CORO6: variants seen among roughly 807,000 people sequenced by gnomAD.
CORO6 encodes the protein coronin-6.
CORO6 carries 43 observed loss-of-function variants against 49.0 expected under a neutral mutation model. The ratio of observed to expected loss-of-function variants is 0.88; its 90% CI spans 0.69 to 1.13. The LOEUF is 1.13. Ranked by LOEUF, CORO6 falls within the 50% of genes most tolerant of loss-of-function variation. The pLI is 0.00. For synonymous variants in CORO6, 233 were observed against 256.5 expected, an observed-to-expected ratio of 0.91 and a Z score of 0.88; for missense variants, 650 against 647.0, an observed-to-expected ratio of 1.00 and a Z score of -0.05.
Position 29,621,096 on chromosome 17 carries a change from G to C in CORO6, c.198+128C>G. 3 of 1,247,782 alleles carry C rather than the reference G, an allele frequency of 2.4e-6. No homozygotes were observed. Among genetic ancestry groups the C allele is most frequent in the Non-Finnish European group, 3.3e-6 (3 of 902,958 alleles). The allele number at this position is 1,247,782 out of a possible 1,614,324, so 77.3% of individuals were successfully genotyped here. A position where few individuals can be genotyped will look rare whatever the true frequency, so the allele number is the denominator to read the frequency against. ...CTGGTCCTTGAGGGCTTGGGGAATA[G>C]GGAGGAGCCAATCCACACAGATGCT... is the stretch of plus-strand genomic sequence containing the variant. On this transcript the variant is annotated intron_variant, in intron 2 of 10. Transcript: ENST00000388767. This position sits in a 1 kb window ranked among gnomAD's most constrained non-coding sequence, Gnocchi z 4.2.
In CORO6 at chr17:29,621,500, G is replaced by A. The variant is rs1598648057; in HGVS notation, c.-63-16C>T. 1.3e-6 allele frequency: 2 copies of A among 1,538,872 alleles called. No individual in the cohort carries two copies. Among genetic ancestry groups the A allele is most frequent in the East Asian group, 2.5e-5 (1 of 40,602 alleles). ...GTCCTGTGAGCTGCGGGAGGGAGGA[G>A]GAGTGGAGGGGTGGCTGATGAGAAG... is the stretch of plus-strand genomic sequence containing the variant. On this transcript the variant is annotated splice_polypyrimidine_tract_variant and intron_variant, in intron 1 of 10. Coordinates refer to ENST00000388767, the MANE Select transcript of CORO6 (RefSeq NM_032854.4). This position sits in a 1 kb window ranked among gnomAD's most constrained non-coding sequence, Gnocchi z 4.2.
In CORO6 at chr17:29,618,972, C is replaced by G; in HGVS notation, c.452-1G>C. ...CAGATGATGATCACATTGTCACCAC[C>G]TGCCCAGAGTGGCCAGGCATGGTCA... On this transcript the variant is annotated splice_acceptor_variant, in intron 4 of 10. Transcript: ENST00000388767. LOFTEE classifies it high-confidence loss of function. 1 of 1,613,630 alleles carries G rather than the reference C, an allele frequency of 6.2e-7. No individual in the cohort carries two copies. The highest frequency in any genetic ancestry group is 8.5e-7 in the Non-Finnish European group (1 of 1,179,908).
Position 29,616,482 on chromosome 17 carries a change from A to T in CORO6, c.1005-146T>A. 1 of 918,760 alleles carries T rather than the reference A, an allele frequency of 1.1e-6. No homozygotes were observed. The highest frequency in any genetic ancestry group is 1.6e-6 in the Non-Finnish European group (1 of 612,714). The allele number at this position is 918,760 out of a possible 1,614,324, so 56.9% of individuals were successfully genotyped here. Reference sequence around the variant, plus strand: ...CACACATTATTGGTTCTGCAATAAAACACCCTGATGGTGTGTTCACCATCA... The same window carrying T: ...CACACATTATTGGTTCTGCAATAAATCACCCTGATGGTGTGTTCACCATCA... On this transcript the variant is annotated intron_variant, in intron 8 of 10. Coordinates refer to ENST00000388767, the MANE Select transcript of CORO6 (RefSeq NM_032854.4). This position sits in a 1 kb window ranked among gnomAD's most constrained non-coding sequence, Gnocchi z 5.6.
chr17:29,615,225 TTGTG>T lies in CORO6; in HGVS notation c.*503_*506del, dbSNP rs2034793625. 6.6e-6 allele frequency: 1 copy of T among 152,154 alleles called. No individual in the cohort carries two copies. Among genetic ancestry groups the T allele is most frequent in the African/African-American group, 2.4e-5 (1 of 41,358 alleles). The allele number at this position is 152,154 out of a possible 1,614,324, so 9.4% of individuals were successfully genotyped here. ...TGGGTCCGGCTCTGCAGCAAACGGG[TTGTG>T]TATGTGTCTGCAGAACTGGGGTGAC... is the stretch of plus-strand genomic sequence containing the variant. On this transcript the variant is annotated 3_prime_UTR_variant, in exon 11 of 11. Coordinates refer to ENST00000388767, the MANE Select transcript of CORO6 (RefSeq NM_032854.4).
rs751234960 is a variant in CORO6 at position 29,615,763 on chromosome 17, A to G, written c.1388T>C (p.Met463Thr). The change falls in exon 11 of 11, where the codon ATG (methionine) becomes ACG (threonine). Residue 463 changes from methionine (M) to threonine (T), a missense_variant. Coordinates refer to ENST00000388767, the MANE Select transcript of CORO6 (RefSeq NM_032854.4). ...QEQRITALEN[M>T]LCELVDGTD ...CGTGCCGTCCACCAGCTCGCACAGC[A>G]TGTTCTCCAGAGCCGTGATGCGCTG... 60 of 1,551,444 alleles carry G rather than the reference A, an allele frequency of 3.9e-5. No homozygotes were observed. The East Asian group carries it at 1.4e-3, about 35-fold the overall frequency.
chr17:29,617,363 G>T, intron 6 of CORO6, 137 bp downstream of exon 6: 1 of 1,543,292 alleles, frequency 6.5e-7, no homozygotes, highest in Admixed American at 1.9e-5. Context: ...GTGGGTGTGA[G>T]AATGGCAGGC....
rs1733183565 is a variant in CORO6, at chr17:29,615,663, C to T, written c.*69G>A. 3 of 1,420,030 alleles carry T rather than the reference C, an allele frequency of 2.1e-6. No individual in the cohort carries two copies. The highest frequency in any genetic ancestry group is 2.9e-5 in the African/African-American group (2 of 68,190). 88.0% of individuals were successfully genotyped at this position (1,420,030 alleles called of 1,614,324 possible). On this transcript the variant is annotated 3_prime_UTR_variant, in exon 11 of 11. Coordinates refer to ENST00000388767, the MANE Select transcript of CORO6 (RefSeq NM_032854.4). ...GCCCAAGAAGGCGGGGTCCGGAGTT[C>T]GGGACTAAAAGCCGGGGCGGGGCCG...
intron 6 of CORO6, 111 bp from the exon 7 acceptor site, chr17:29,617,153 C>A: frequency 2.0e-5 from 32 of 1,563,036 alleles, no homozygotes; most frequent in Non-Finnish European, 2.6e-5. Flanking sequence ...ATGCCCCAAA[C>A]CTCTAGTGAC....
At chr17:29,620,123 T>C (rs1469642088) in intron 2 of CORO6, among the ~76,000 whole-genome samples, 1 of 152,206 alleles carries the variant, frequency 6.6e-6, no homozygotes, top group African/African-American at 2.4e-5. Flanking sequence ...TCTGTGGGAA[T>C]CTCCTGGTGG....
chr17:29,621,546 G>A lies in CORO6; in HGVS notation c.-63-62C>T. On this transcript the variant is annotated intron_variant, in intron 1 of 10. Transcript: ENST00000388767. The surrounding 1 kb of genome is among the most constrained non-coding windows in gnomAD (Gnocchi z 4.2). ...AGAAGGGTTATGTGGTCAGGAGTCAGGTATAAATCCATATAGTGTCTGGTC... is the reference window on the plus strand; with the variant it reads ...AGAAGGGTTATGTGGTCAGGAGTCAAGTATAAATCCATATAGTGTCTGGTC... 1.4e-6 allele frequency: 2 copies of A among 1,477,616 alleles called. No homozygotes were observed. 91.5% of individuals were successfully genotyped at this position (1,477,616 alleles called of 1,614,324 possible). A position where few individuals can be genotyped will look rare whatever the true frequency, so the allele number is the denominator to read the frequency against.
chr17:29,620,027 TGAG>T (rs1319249034), intron 2 of CORO6, among the ~76,000 whole-genome samples: 1 of 152,162 alleles, frequency 6.6e-6, no homozygotes, highest in Non-Finnish European at 1.5e-5. Context: ...CTTGTAGAGC[TGAG>T]ATTTGAACTT....
At chr17:29,617,969 G>A (rs1440893879) in intron 5 of CORO6, 1 of 1,231,074 alleles carries the variant, frequency 8.1e-7, no homozygotes, top group African/African-American at 1.6e-5. Flanking sequence ...CCTCTTGGGC[G>A]CCAGCCACAG....
At chr17:29,620,797 G>C (rs2035269144) in intron 2 of CORO6, among the ~76,000 whole-genome samples, 1 of 152,144 alleles carries the variant, frequency 6.6e-6, no homozygotes, top group Admixed American at 6.5e-5. Context: ...GCCTGACCCT[G>C]TCCTCAGTTT....
At position 29,615,020 on chromosome 17, in the gene CORO6, TGA is replaced by T. The variant is rs1257488988; in HGVS notation, c.*710_*711del. ...TTTCATTCAGTACGTCTTGTTTTTC[TGA>T]GAGAGGCAACGGCAGAGGGTTGGGG... is the stretch of plus-strand genomic sequence containing the variant. On this transcript the variant is annotated 3_prime_UTR_variant, in exon 11 of 11. Coordinates refer to ENST00000388767, the MANE Select transcript of CORO6 (RefSeq NM_032854.4). 3 of 152,310 alleles carry T rather than the reference TGA, an allele frequency of 2.0e-5. No homozygotes were observed. Among genetic ancestry groups the T allele is most frequent in the Non-Finnish European group, 2.9e-5 (2 of 68,088 alleles). The allele number at this position is 152,310 out of a possible 1,614,324, so 9.4% of individuals were successfully genotyped here.
chr17:29,622,772 C>A lies in CORO6; in HGVS notation c.-148G>T. ...GTGCGTAGGGGGCCGAGGAAGGCTT[C>A]AGGGCGAAGGAGCCACCTCTCCGGG... On this transcript the variant is annotated 5_prime_UTR_variant, in exon 1 of 11. It introduces an in-frame stop codon into an upstream open reading frame of the 5' UTR. Coordinates refer to ENST00000388767, the MANE Select transcript of CORO6 (RefSeq NM_032854.4). 7.6e-7 allele frequency: 1 copy of A among 1,322,358 alleles called. No homozygotes were observed. The highest frequency in any genetic ancestry group is 1.0e-6 in the Non-Finnish European group (1 of 1,001,126). 81.9% of individuals were successfully genotyped at this position (1,322,358 alleles called of 1,614,324 possible). A position where few individuals can be genotyped will look rare whatever the true frequency, so the allele number is the denominator to read the frequency against.
chr17:29,616,288 C>T lies in CORO6; in HGVS notation c.1053G>A (p.Val351=). The T allele has an allele frequency of 6.2e-7, 1 of 1,611,292 alleles. No homozygotes were observed. Among genetic ancestry groups the T allele is most frequent in the South Asian group, 1.1e-5 (1 of 90,502 alleles). Residue 351 remains valine, a synonymous_variant, in exon 9 of 11, where the codon GTG becomes GTA. Transcript: ENST00000388767. This position sits in a 1 kb window ranked among gnomAD's most constrained non-coding sequence, Gnocchi z 5.6. ...TCTCCCGGCCCCTCACCTTGCGGGG[C>T]ACAGTCATGATGATAGGTTCACACT... ...ERKCEPIIMT[V]PRKSDLFQDD...
chr17:29,619,816 G>GT (rs2035216759), intron 2 of CORO6, 43 bp from the exon 3 acceptor site: 2 of 1,583,206 alleles, frequency 1.3e-6, no homozygotes, highest in Middle Eastern at 1.7e-4. Flanking sequence ...TCTCCTGTGT[G>GT]TTTTTTGGGG....
At position 29,622,893 on chromosome 17, in the gene CORO6, T is replaced by C. The variant is rs145189449; in HGVS notation, c.-269A>G. ...GCGCCGCTGCAGCCCCAGCTGCCGC[T>C]GCCATCAACCTAAGAGGGCGGGGCT... On this transcript the variant is annotated 5_prime_UTR_variant, in exon 1 of 11. Transcript: ENST00000388767. The C allele has an allele frequency of 1.1e-3, 1,352 of 1,260,366 alleles. 11 individuals are homozygous for C. In the African/African-American group the frequency reaches 0.022, roughly 21 times the overall value. The allele number at this position is 1,260,366 out of a possible 1,614,324, so 78.1% of individuals were successfully genotyped here.
rs1301281833 is a variant in CORO6 at position 29,619,741 on chromosome 17, G to A, written c.231C>T (p.Val77=). ...TGRVDKNYPL[V]TGHTAPVLDI... is the part of the protein sequence containing the mutation. Reference sequence around the variant, plus strand: ...CCAGCACAGGGGCAGTGTGCCCAGTGACCAGTGGGTAGTTCTTATCCACTC... The same window carrying A: ...CCAGCACAGGGGCAGTGTGCCCAGTAACCAGTGGGTAGTTCTTATCCACTC... Residue 77 remains valine, a synonymous_variant, in exon 3 of 11, where the codon GTC becomes GTT. Transcript: ENST00000388767. 3 of 1,613,540 alleles carry A rather than the reference G, an allele frequency of 1.9e-6. No individual in the cohort carries two copies. Among genetic ancestry groups the A allele is most frequent in the Middle Eastern group, 1.7e-4 (1 of 6,008 alleles).
Sources: allele counts gnomAD v4.1 joint callset (sites outside exome capture counted in the v4.1 genomes callset), GRCh38; gene constraint gnomAD v4.1.1; non-coding constraint Gnocchi (gnomAD v3.1); transcripts MANE v1.5; gene names NCBI Gene and HGNC (gene_info 2026-07-23, HGNC 2026-07-21).